The following CYRIB variants were observed in gnomAD, a reference collection of about 807,000 sequenced individuals.
CYRIB encodes CYFIP related Rac1 interactor B, also known as CYFIP-related Rac1 interactor B.
In CYRIB, 8 loss-of-function variants were observed where a neutral mutation model predicts 44.2. That is an observed-to-expected ratio of 0.18 (90% CI 0.11 to 0.33). CYRIB has a LOEUF of 0.33. Among genes scored for constraint, CYRIB ranks in the 10% least tolerant of loss-of-function variants. CYRIB has a pLI of 1.00. For synonymous variants in CYRIB, 131 were observed against 127.2 expected (o/e 1.03, Z -0.20); for missense variants, 185 against 382.8 (o/e 0.48, Z 4.31).
intron 1 of CYRIB, among the ~76,000 whole-genome samples, chr8:130,011,886 G>A (rs1208573441): frequency 6.6e-6 from 1 of 151,708 alleles, no homozygotes; most frequent in African/African-American, 2.4e-5. Context: ...GCTGAGGCCT[G>A]GCAGAGTCAG....
chr8:129,907,042 C>T (rs1383868108), intron 1 of CYRIB, among the ~76,000 whole-genome samples: 1 of 152,156 alleles, frequency 6.6e-6, no homozygotes, highest in Non-Finnish European at 1.5e-5. Context: ...GACAGTGTGG[C>T]GATTCCTCAG....
In CYRIB at chr8:129,888,143, G is replaced by A. The variant is rs562062422; in HGVS notation, c.-10-8672C>T. 6.6e-5 allele frequency among the ~76,000 whole-genome samples: 10 copies of A among 152,296 alleles called. No homozygotes were observed. In the East Asian group the frequency reaches 1.7e-3, roughly 26 times the overall value. On this transcript the variant is annotated intron_variant, in intron 2 of 11. Coordinates refer to ENST00000519824, the Ensembl canonical transcript of CYRIB. ...CCTGCTGGGAGGAGACTGGATCATG[G>A]GAGTGGACTTCCCCCTTGCTGCTGT...
intron 1 of CYRIB, among the ~76,000 whole-genome samples, chr8:130,004,899 T>C (rs779496304): frequency 7.9e-5 from 12 of 151,734 alleles, no homozygotes; most frequent in Non-Finnish European, 1.5e-4. Context: ...CCCGAGTAGC[T>C]GGGATTACAG....
intron 2 of CYRIB, among the ~76,000 whole-genome samples, chr8:129,889,422 A>G (rs2064153597): frequency 6.6e-6 from 1 of 152,226 alleles, no homozygotes; most frequent in Non-Finnish European, 1.5e-5. Context: ...CTTATTATTT[A>G]AGAAATACAT....
chr8:129,920,824 T>G (rs1385630070), intron 1 of CYRIB, among the ~76,000 whole-genome samples: 1 of 152,190 alleles, frequency 6.6e-6, no homozygotes, highest in Non-Finnish European at 1.5e-5. Flanking sequence ...TTACGTATTC[T>G]AGATTTCACT....
intron 1 of CYRIB, among the ~76,000 whole-genome samples, chr8:129,919,039 C>G (rs187869378): frequency 6.6e-6 from 1 of 152,158 alleles, no homozygotes; most frequent in African/African-American, 2.4e-5. Context: ...TTTTATTTTA[C>G]TTATTTTTTT....
chr8:129,863,037 T>C (rs1022458683), intron 4 of CYRIB, among the ~76,000 whole-genome samples: 1 of 152,228 alleles, frequency 6.6e-6, no homozygotes, highest in Non-Finnish European at 1.5e-5. Context: ...ATGTTTCCCA[T>C]ATCACAGAGT....
At chr8:129,873,161 T>C (rs2663613) in intron 3 of CYRIB, among the ~76,000 whole-genome samples, 63,906 of 151,766 alleles carry the variant, frequency 0.42, 14,375 homozygotes, top group East Asian at 0.55. Flanking sequence ...TACATATCTG[T>C]TCCCTTATTT....
At chr8:129,935,337 C>T (rs77280522) in intron 1 of CYRIB, among the ~76,000 whole-genome samples, 2,291 of 152,290 alleles carry the variant, frequency 0.015, 67 homozygotes, top group African/African-American at 0.052. Flanking sequence ...TTGTGGAAGA[C>T]AATTTTTCCA....
At chr8:129,977,403 C>T (rs1025058037) in intron 1 of CYRIB, among the ~76,000 whole-genome samples, 3 of 152,084 alleles carry the variant, frequency 2.0e-5, no homozygotes, top group African/African-American at 4.8e-5. Flanking sequence ...AAACTGGACT[C>T]GACACCCAGC....
chr8:129,892,949 C>G (rs2066113433), intron 2 of CYRIB, among the ~76,000 whole-genome samples: 1 of 152,148 alleles, frequency 6.6e-6, no homozygotes, highest in South Asian at 2.1e-4. Flanking sequence ...TATTCTAGTT[C>G]CTCAATTAGC....
At chr8:129,908,230 T>G (rs907658285) in intron 1 of CYRIB, among the ~76,000 whole-genome samples, 9 of 151,972 alleles carry the variant, frequency 5.9e-5, no homozygotes, top group Non-Finnish European at 1.2e-4. Context: ...AAATTAAAGA[T>G]AAGGGATACC....
At chr8:129,967,822 G>C (rs979773767) in intron 2 of CYRIB, among the ~76,000 whole-genome samples, 2 of 152,210 alleles carry the variant, frequency 1.3e-5, no homozygotes, top group Non-Finnish European at 2.9e-5. Flanking sequence ...AGGATTGGAA[G>C]ATGTCTGAAA....
chr8:129,988,039 G>A (rs1437050240), intron 1 of CYRIB, among the ~76,000 whole-genome samples: 12 of 152,196 alleles, frequency 7.9e-5, no homozygotes, highest in Admixed American at 6.5e-4. Context: ...GACAACACGA[G>A]GCGGTGTGGA....
chr8:129,907,942 C>T (rs1158763566), intron 1 of CYRIB, among the ~76,000 whole-genome samples: 1 of 152,154 alleles, frequency 6.6e-6, no homozygotes, highest in Non-Finnish European at 1.5e-5. Context: ...GCAGAGATTG[C>T]ACTGAGCTGA....
At chr8:129,877,663 G>GTGTGTGT (rs3222125) in intron 3 of CYRIB, among the ~76,000 whole-genome samples, 2,663 of 130,248 alleles carry the variant, frequency 0.02, 43 homozygotes, top group Middle Eastern at 0.067. Context: ...AAAAAAAAAA[G>GTGTGTGT]GTGTGTGTGT....
intron 10 of CYRIB, among the ~76,000 whole-genome samples, chr8:129,847,663 T>G (rs537789100): frequency 3.3e-5 from 5 of 152,314 alleles, no homozygotes; most frequent in African/African-American, 1.2e-4. Flanking sequence ...AGCAGGGGAC[T>G]CACAGGTTAT....
At chr8:129,991,965 A>AAAC (rs2096646140) in intron 1 of CYRIB, among the ~76,000 whole-genome samples, 1 of 133,772 alleles carries the variant, frequency 7.5e-6, no homozygotes, top group East Asian at 2.2e-4. Flanking sequence ...AAAAAAAAAA[A>AAAC]AAAAAAACAA....
intron 5 of CYRIB, among the ~76,000 whole-genome samples, chr8:129,859,324 G>A (rs1026283180): frequency 1.8e-4 from 27 of 152,208 alleles, no homozygotes; most frequent in Non-Finnish European, 3.5e-4. Context: ...TGTACAAGAT[G>A]GAACATAAAG....
Sources: allele counts gnomAD v4.1 joint callset (sites outside exome capture counted in the v4.1 genomes callset), GRCh38; gene constraint gnomAD v4.1.1; transcripts MANE v1.5; gene names NCBI Gene and HGNC (gene_info 2026-07-23, HGNC 2026-07-21).